The following FMNL3 variants were observed in gnomAD, a reference collection of about 807,000 sequenced individuals.
FMNL3 encodes formin like 3.
FMNL3 carries 57 observed loss-of-function variants against 119.6 expected under a neutral mutation model. The observed-to-expected ratio is 0.48, with a 90% CI of 0.39 to 0.59. The LOEUF is 0.59. Ranked by LOEUF, FMNL3 falls within the 20% of genes least tolerant of loss-of-function variation. FMNL3 has a pLI of 0.00. For synonymous variants in FMNL3, 491 were observed against 507.3 expected (o/e 0.97, Z 0.43); for missense variants, 1,053 against 1,323.5 (o/e 0.80, Z 3.17).
Position 49,652,147 on chromosome 12 carries a change from C to T in FMNL3, c.1389G>A (p.Glu463=). The change falls in exon 14 of 26, where the codon GAG becomes GAA. Residue 463 remains glutamate, a synonymous_variant. Transcript: ENST00000335154. ...TLRRLIKEKE[E]AFQRRCHLEP... ...CCAAATGACATCGACGCTGAAAGGC[C>T]TCCTCCTTCTCTTTAATGAGCCTCC... The T allele has an allele frequency of 4.3e-6, 7 of 1,613,402 alleles. No homozygotes were observed. The highest frequency in any genetic ancestry group is 5.9e-6 in the Non-Finnish European group (7 of 1,179,788).
At chr12:49,664,548 G>T (rs1033763548) in intron 4 of FMNL3, among the ~76,000 whole-genome samples, 5 of 152,140 alleles carry the variant, frequency 3.3e-5, no homozygotes, top group African/African-American at 9.7e-5. Flanking sequence ...ACACACAGGG[G>T]TACTAAGCAG....
chr12:49,662,279 G>A (rs891893612), intron 4 of FMNL3, among the ~76,000 whole-genome samples: 1 of 152,190 alleles, frequency 6.6e-6, no homozygotes, highest in Non-Finnish European at 1.5e-5. Context: ...TTGCTTTATC[G>A]TGAAGGTGCT....
At chr12:49,695,309 A>T (rs1944722479) in intron 1 of FMNL3, among the ~76,000 whole-genome samples, 1 of 152,134 alleles carries the variant, frequency 6.6e-6, no homozygotes, top group Admixed American at 6.5e-5. Flanking sequence ...CCTTACAGAT[A>T]CTTTTTTATT....
chr12:49,638,066 A>G lies in FMNL3; in HGVS notation c.*7749T>C. The G allele has an allele frequency of 6.1e-6, 3 of 491,378 alleles. No homozygotes were observed. The South Asian group carries it at 8.3e-5, about 14-fold the overall frequency. The allele number at this position is 491,378 out of a possible 1,614,324, so 30.4% of individuals were successfully genotyped here. A position where few individuals can be genotyped will look rare whatever the true frequency, so the allele number is the denominator to read the frequency against. ...TATACAAAGGGGCAAGTGTTATTAC[A>G]GAGACAGGAATCTGAAGAACTAACA... On this transcript the variant is annotated 3_prime_UTR_variant, in exon 26 of 26. Transcript: ENST00000335154.
intron 1 of FMNL3, among the ~76,000 whole-genome samples, chr12:49,682,219 C>A (rs1204420057): frequency 1.3e-5 from 2 of 151,974 alleles, no homozygotes; most frequent in East Asian, 3.9e-4. Flanking sequence ...TACAGGCGGC[C>A]ACCACCACAC....
At position 49,638,025 on chromosome 12, in the gene FMNL3, T is replaced by C. The variant is rs562688197; in HGVS notation, c.*7790A>G. 62 of 571,980 alleles carry C rather than the reference T, an allele frequency of 1.1e-4. No homozygotes were observed. The Middle Eastern group carries it at 2.3e-3, about 21-fold the overall frequency. The allele number at this position is 571,980 out of a possible 1,614,324, so 35.4% of individuals were successfully genotyped here. A position where few individuals can be genotyped will look rare whatever the true frequency, so the allele number is the denominator to read the frequency against. The stretch of plus-strand genomic sequence containing the variant: ...AGGAGCTCATGGTCTAATAGGAAGA[T>C]ATACATGAGAACTGTTATACAAAGG... On this transcript the variant is annotated 3_prime_UTR_variant, in exon 26 of 26. Coordinates refer to ENST00000335154, the MANE Select transcript of FMNL3 (RefSeq NM_175736.5).
chr12:49,650,910 G>A, intron 16 of FMNL3, 32 bp from the exon 17 acceptor site: 2 of 1,611,974 alleles, frequency 1.2e-6, no homozygotes, highest in South Asian at 1.1e-5. Context: ...GGAAAACGCT[G>A]TAGCCTCATA....
At chr12:49,693,080 T>TC (rs1352224976) in intron 1 of FMNL3, among the ~76,000 whole-genome samples, 1 of 152,148 alleles carries the variant, frequency 6.6e-6, no homozygotes, top group South Asian at 2.1e-4. Context: ...ATCTTAAGGG[T>TC]CCATTGTCAG....
intron 10 of FMNL3, 28 bp downstream of exon 10, chr12:49,654,882 T>G (rs775018259): frequency 1.2e-6 from 2 of 1,608,920 alleles, no homozygotes; most frequent in Admixed American, 1.7e-5. Flanking sequence ...CTGGTGGGTA[T>G]GTGCTGGACC....
intron 5 of FMNL3, chr12:49,659,973 G>A (rs1943685633): frequency 1.0e-6 from 1 of 985,218 alleles, no homozygotes; most frequent in Non-Finnish European, 1.2e-6. Context: ...AATAGGAAGG[G>A]ATATTTACAG....
At chr12:49,673,922 T>C (rs1056615927) in intron 1 of FMNL3, among the ~76,000 whole-genome samples, 2 of 152,220 alleles carry the variant, frequency 1.3e-5, no homozygotes, top group East Asian at 1.9e-4. Flanking sequence ...TCAGAGAGTT[T>C]GATCAAAGGT....
intron 1 of FMNL3, among the ~76,000 whole-genome samples, chr12:49,705,607 T>C (rs532237516): frequency 6.6e-6 from 1 of 152,302 alleles, no homozygotes; most frequent in African/African-American, 2.4e-5. Context: ...TGGGCTCTTG[T>C]TCTCAAGGCC....
chr12:49,647,008 G>C lies in FMNL3; in HGVS notation c.2873C>G (p.Thr958Ser). The change falls in exon 25 of 26, where the codon ACC (threonine) becomes AGC (serine). Residue 958 changes from threonine (T) to serine (S), a missense_variant and splice_region_variant. Thr to Ser is a moderately conservative substitution (Grantham distance 58, BLOSUM62 1). Transcript: ENST00000335154. The surrounding 1 kb of genome is among the most constrained non-coding windows in gnomAD (Gnocchi z 4.9). Reference protein sequence around the residue: ...AQEAKKLDAKTPSQRNKWQQQ... With the variant: ...AQEAKKLDAKSPSQRNKWQQQ... Reference sequence around the variant, plus strand: ...TTGCCACTTGTTCCGCTGGGATGGGGTCTAGGGCCAAGAATGTGGAGGGGA... The same window carrying C: ...TTGCCACTTGTTCCGCTGGGATGGGCTCTAGGGCCAAGAATGTGGAGGGGA... 6.2e-7 allele frequency: 1 copy of C among 1,605,134 alleles called. No homozygotes were observed. The highest frequency in any genetic ancestry group is 8.5e-7 in the Non-Finnish European group (1 of 1,179,282).
chr12:49,641,992 G>A lies in FMNL3; in HGVS notation c.*3823C>T. 1.2e-6 allele frequency: 2 copies of A among 1,613,580 alleles called. No homozygotes were observed. Among genetic ancestry groups the A allele is most frequent in the Non-Finnish European group, 1.7e-6 (2 of 1,180,034 alleles). On this transcript the variant is annotated 3_prime_UTR_variant, in exon 26 of 26. Coordinates refer to ENST00000335154, the MANE Select transcript of FMNL3 (RefSeq NM_175736.5). ...CTTTGACAAGAGGGCTGCCGCACTG[G>A]ACGCAGGCAACATCAAGCTGACCTT...
chr12:49,644,238 C>T lies in FMNL3; in HGVS notation c.*1577G>A. On this transcript the variant is annotated 3_prime_UTR_variant, in exon 26 of 26. Transcript: ENST00000335154. Reference sequence around the variant, plus strand: ...CTCGGGTCTGTGTGAGGCCATGGCTCCTGGGCCACCCTCACCGTCTGCCTC... The same window carrying T: ...CTCGGGTCTGTGTGAGGCCATGGCTTCTGGGCCACCCTCACCGTCTGCCTC... 6.3e-7 allele frequency: 1 copy of T among 1,598,290 alleles called. No homozygotes were observed. The highest frequency in any genetic ancestry group is 1.3e-5 in the African/African-American group (1 of 74,688).
In FMNL3 at chr12:49,636,989, T is replaced by C. The variant is rs1367290745; in HGVS notation, c.*8826A>G. The C allele has an allele frequency of 1.2e-5, 15 of 1,263,350 alleles. No homozygotes were observed. Among genetic ancestry groups the C allele is most frequent in the African/African-American group, 1.5e-5 (1 of 67,506 alleles). The allele number at this position is 1,263,350 out of a possible 1,614,324, so 78.3% of individuals were successfully genotyped here. A position where few individuals can be genotyped will look rare whatever the true frequency, so the allele number is the denominator to read the frequency against. On this transcript the variant is annotated 3_prime_UTR_variant, in exon 26 of 26. Transcript: ENST00000335154. ...GTCCAAGCTCTATGAGACCTCTCTC[T>C]GCCTGCAGTCTGTTTCTGCTGTACC...
rs148794280 is a variant in FMNL3 at position 49,687,495 on chromosome 12, G to A, written c.127-18941C>T. Among the ~76,000 whole-genome samples the A allele has an allele frequency of 1.6e-3, 240 of 152,230 alleles. 1 individual carries two copies. Among genetic ancestry groups the A allele is most frequent in the African/African-American group, 5.4e-3 (225 of 41,530 alleles). On this transcript the variant is annotated intron_variant, in intron 1 of 25. Coordinates refer to ENST00000335154, the MANE Select transcript of FMNL3 (RefSeq NM_175736.5). ...GCCTCCCATGCAGCTGGGACTACAGGCACATGCCACCACACCTGGCTATAA... is the reference window on the plus strand; with the variant it reads ...GCCTCCCATGCAGCTGGGACTACAGACACATGCCACCACACCTGGCTATAA...
In FMNL3 at chr12:49,644,024, G is replaced by C. The variant is rs376011378; in HGVS notation, c.*1791C>G. On this transcript the variant is annotated 3_prime_UTR_variant, in exon 26 of 26. Transcript: ENST00000335154. Reference sequence around the variant, plus strand: ...GAGAAGGTGAGGGGCAGGGGCCCTAGGCCAGTCAGCACGCTGGTCAAGCTT... The same window carrying C: ...GAGAAGGTGAGGGGCAGGGGCCCTACGCCAGTCAGCACGCTGGTCAAGCTT... The C allele has an allele frequency of 5.0e-6, 8 of 1,614,046 alleles. No homozygotes were observed. Among genetic ancestry groups the C allele is most frequent in the Non-Finnish European group, 6.8e-6 (8 of 1,180,014 alleles).
chr12:49,651,543 T>TAA (rs756742211), intron 14 of FMNL3, 93 bp from the exon 15 acceptor site: 1,418 of 793,364 alleles, frequency 1.8e-3, no homozygotes, highest in South Asian at 4.1e-3. Context: ...CTCTGAGAGT[T>TAA]AAAAAAAAAA....
Sources: gnomAD v4.1 joint callset for allele counts (sites outside exome capture counted in the v4.1 genomes callset) on GRCh38, gnomAD v4.1.1 for gene constraint, Gnocchi (gnomAD v3.1) non-coding constraint, MANE v1.5 for transcripts, NCBI Gene and HGNC (gene_info 2026-07-23, HGNC 2026-07-21) for gene names.